The following SORCS3 variants were observed in gnomAD, a reference collection of about 807,000 sequenced individuals.
The protein encoded by SORCS3 is sortilin related VPS10 domain containing receptor 3, also known as VPS10 domain-containing receptor SorCS3.
SORCS3 carries 57 observed loss-of-function variants against 146.3 expected under a neutral mutation model. That is an observed-to-expected ratio of 0.39 (90% CI 0.31 to 0.49). The LOEUF (loss-of-function observed/expected upper bound fraction) is 0.49, where lower values mean the gene tolerates loss of function less well. Among genes scored for constraint, SORCS3 ranks in the 20% least tolerant of loss-of-function variants. The pLI is 0.92. For synonymous variants in SORCS3, 653 were observed against 618.5 expected (o/e 1.06, Z -0.83); for missense variants, 1,341 against 1,575.5 (o/e 0.85, Z 2.52).
chr10:105,235,641 AAC>A (rs1435950583), intron 20 of SORCS3, among the ~76,000 whole-genome samples: 4 of 152,068 alleles, frequency 2.6e-5, no homozygotes, highest in Non-Finnish European at 5.9e-5. Context: ...GGTGGATAAC[AAC>A]TGAAGAGAAG....
At position 104,696,567 on chromosome 10, in the gene SORCS3, G is replaced by A. The variant is rs867895038; in HGVS notation, c.627+54613G>A. On this transcript the variant is annotated intron_variant, in intron 1 of 26. Coordinates refer to ENST00000369701, the MANE Select transcript of SORCS3 (RefSeq NM_014978.3). ...ATATAATATAGAATATATAATATAC[G>A]TATATAATATATAATATATATTATA... Among the ~76,000 whole-genome samples, 14 of 27,654 alleles carry A rather than the reference G, an allele frequency of 5.1e-4. 4 individuals carry two copies. The East Asian group carries it at 9.3e-3, about 18-fold the overall frequency. 18.1% of individuals were successfully genotyped at this position (27,654 alleles called of 152,430 possible).
chr10:105,157,321 G>A (rs752266657), intron 10 of SORCS3, 37 bp downstream of exon 10: 9 of 1,608,188 alleles, frequency 5.6e-6, no homozygotes, highest in Non-Finnish European at 7.7e-6. Flanking sequence ...TCACAGGGCA[G>A]GCTGGCCACC....
intron 13 of SORCS3, among the ~76,000 whole-genome samples, chr10:105,169,156 A>G (rs549522073): frequency 2.0e-5 from 3 of 152,098 alleles, no homozygotes; most frequent in African/African-American, 7.2e-5. Flanking sequence ...AACATGTTAA[A>G]TACCTTTCTC....
chr10:104,789,896 G>A (rs1040858497), intron 1 of SORCS3, among the ~76,000 whole-genome samples: 1 of 152,194 alleles, frequency 6.6e-6, no homozygotes, highest in Non-Finnish European at 1.5e-5. Context: ...GATGTTGGCT[G>A]TCCCAGTGTG....
chr10:104,793,440 C>T (rs1174960818), intron 1 of SORCS3, among the ~76,000 whole-genome samples: 4 of 152,020 alleles, frequency 2.6e-5, no homozygotes, highest in Non-Finnish European at 5.9e-5. Flanking sequence ...AATAGGGTGA[C>T]ATTGGTAGGA....
In SORCS3 at chr10:105,245,361, G is replaced by A. The variant is rs143713882; in HGVS notation, c.2869-181G>A. ...TTTAATAATTTATAATGTGTTTCAA[G>A]TATACTAATACTCTTCCTAGATACT... On this transcript the variant is annotated intron_variant, in intron 20 of 26. Transcript: ENST00000369701. 1.4e-3 allele frequency among the ~76,000 whole-genome samples: 210 copies of A among 152,202 alleles called. 1 individual carries two copies. Among genetic ancestry groups the A allele is most frequent in the African/African-American group, 4.5e-3 (187 of 41,542 alleles).
intron 1 of SORCS3, among the ~76,000 whole-genome samples, chr10:104,684,779 G>GTTTTTTTTTT (rs764055039): frequency 1.2e-5 from 1 of 81,576 alleles, no homozygotes; most frequent in African/African-American, 4.7e-5. Context: ...AGTCCTCAGT[G>GTTTTTTTTTT]TTTTTTTTTT....
intron 1 of SORCS3, among the ~76,000 whole-genome samples, chr10:104,679,841 T>C (rs2015950660): frequency 6.6e-6 from 1 of 152,210 alleles, no homozygotes; most frequent in South Asian, 2.1e-4. Context: ...GTGATAAATA[T>C]TCATGAAAAG....
intron 4 of SORCS3, among the ~76,000 whole-genome samples, chr10:104,996,533 G>A (rs544306021): frequency 9.9e-5 from 15 of 152,036 alleles, no homozygotes; most frequent in Non-Finnish European, 2.2e-4. Context: ...AAATCAGTAA[G>A]AACATAAAAG....
chr10:104,803,949 C>T lies in SORCS3; in HGVS notation c.628-38843C>T, dbSNP rs184992809. On this transcript the variant is annotated intron_variant, in intron 1 of 26. Transcript: ENST00000369701. ...GCTGTTTCAAGCTCCAGAGAAAGACCAGCCCCATCCTCTTTTACCACACAA... is the reference window on the plus strand; with the variant it reads ...GCTGTTTCAAGCTCCAGAGAAAGACTAGCCCCATCCTCTTTTACCACACAA... 1.9e-3 allele frequency among the ~76,000 whole-genome samples: 284 copies of T among 152,236 alleles called. 3 individuals are homozygous for T. The highest frequency in any genetic ancestry group is 6.6e-3 in the African/African-American group (276 of 41,526).
At chr10:104,724,165 G>T (rs1272573351) in intron 1 of SORCS3, among the ~76,000 whole-genome samples, 3 of 152,188 alleles carry the variant, frequency 2.0e-5, no homozygotes, top group Non-Finnish European at 2.9e-5. Context: ...TTTTAGGGCA[G>T]TCCTGGTGGT....
intron 7 of SORCS3, among the ~76,000 whole-genome samples, chr10:105,108,373 G>T (rs1301716329): frequency 6.6e-6 from 1 of 152,072 alleles, no homozygotes; most frequent in East Asian, 1.9e-4. Context: ...ATAGTATATT[G>T]GTGGCATTTT....
chr10:104,739,444 G>A (rs1389261921), intron 1 of SORCS3, among the ~76,000 whole-genome samples: 2 of 152,176 alleles, frequency 1.3e-5, no homozygotes, highest in East Asian at 3.9e-4. Context: ...TGACCATGTT[G>A]CCCAGTGCCA....
In SORCS3 at chr10:104,988,840, G is replaced by A. The variant is rs2054977000; in HGVS notation, c.954+11347G>A. 2.0e-5 allele frequency among the ~76,000 whole-genome samples: 3 copies of A among 152,296 alleles called. No homozygotes were observed. The South Asian group carries it at 6.2e-4, about 32-fold the overall frequency. ...AAACTCAAGCAATATGCAAATGTAG[G>A]AAAATCAGACCCCCGTGTTAATTCC... On this transcript the variant is annotated intron_variant, in intron 4 of 26. Transcript: ENST00000369701.
intron 1 of SORCS3, among the ~76,000 whole-genome samples, chr10:104,821,684 AC>A (rs1356948514): frequency 1.3e-5 from 2 of 152,100 alleles, no homozygotes; most frequent in Non-Finnish European, 2.9e-5. Context: ...ATTTCTCCTG[AC>A]TTCTCCCTTT....
At chr10:104,873,384 T>C (rs544862232) in intron 2 of SORCS3, among the ~76,000 whole-genome samples, 2 of 152,316 alleles carry the variant, frequency 1.3e-5, no homozygotes. Flanking sequence ...TCTTGGAATG[T>C]GTACAGTTGT....
intron 4 of SORCS3, among the ~76,000 whole-genome samples, chr10:105,016,632 G>C (rs779066288): frequency 6.6e-6 from 1 of 152,070 alleles, no homozygotes; most frequent in African/African-American, 2.4e-5. Context: ...TTCAAATGGT[G>C]ATGACTTTTT....
chr10:104,862,092 C>A (rs1156267150), intron 2 of SORCS3, among the ~76,000 whole-genome samples: 1 of 152,168 alleles, frequency 6.6e-6, no homozygotes, highest in East Asian at 1.9e-4. Context: ...ATTCTGAGGT[C>A]CCAGGGTGAG....
chr10:104,785,910 A>G lies in SORCS3; in HGVS notation c.628-56882A>G, dbSNP rs559116364. Among the ~76,000 whole-genome samples the G allele has an allele frequency of 3.9e-5, 6 of 152,352 alleles. No individual in the cohort carries two copies. The South Asian group carries it at 1.2e-3, about 32-fold the overall frequency. On this transcript the variant is annotated intron_variant, in intron 1 of 26. Coordinates refer to ENST00000369701, the MANE Select transcript of SORCS3 (RefSeq NM_014978.3). ...TACTGATGCATGCACACGATTTTAC[A>G]TAAGAGAGGTAGCGCATGGACCTGT...
Sources: allele counts gnomAD v4.1 joint callset (sites outside exome capture counted in the v4.1 genomes callset), GRCh38; gene constraint gnomAD v4.1.1; transcripts MANE v1.5; gene names NCBI Gene and HGNC (gene_info 2026-07-23, HGNC 2026-07-21).